EXT1: variants seen among roughly 807,000 people sequenced by gnomAD.
The protein encoded by EXT1 is exostosin-1.
Under a neutral mutation model 82.5 loss-of-function variants are expected in EXT1, and 20 were observed. The observed-to-expected ratio is 0.24, with a 90% CI of 0.17 to 0.35. The LOEUF (loss-of-function observed/expected upper bound fraction) is 0.35, where lower values mean the gene tolerates loss of function less well. EXT1 is among the 10% of genes least tolerant of loss of function. EXT1 has a pLI of 1.00. For missense variants in EXT1, 757 were observed against 936.5 expected, an observed-to-expected ratio of 0.81 and a Z score of 2.50; for synonymous variants, 348 against 350.8, an observed-to-expected ratio of 0.99 and a Z score of 0.09.
At chr8:117,997,074 CAG>C (rs1001705563) in intron 1 of EXT1, among the ~76,000 whole-genome samples, 10 of 152,030 alleles carry the variant, frequency 6.6e-5, no homozygotes, top group African/African-American at 2.2e-4. Context: ...AGTCGTTAAA[CAG>C]GGAATACCAT....
intron 1 of EXT1, among the ~76,000 whole-genome samples, chr8:118,104,724 C>T (rs567496359): frequency 1.3e-5 from 2 of 152,282 alleles, no homozygotes; most frequent in East Asian, 3.9e-4. Context: ...AATCCGAAAT[C>T]CAAAATGCTC....
chr8:117,860,459 A>G (rs1484310126), intron 1 of EXT1, among the ~76,000 whole-genome samples: 3 of 152,218 alleles, frequency 2.0e-5, no homozygotes. Flanking sequence ...GCCACTATGC[A>G]GTATGTCCAT....
At chr8:117,860,146 CAAA>C (rs34399339) in intron 1 of EXT1, among the ~76,000 whole-genome samples, 5 of 76,896 alleles carry the variant, frequency 6.5e-5, no homozygotes, top group Non-Finnish European at 6.8e-5. Context: ...GATTCTATCT[CAAA>C]AAAAAAAAAA....
chr8:117,936,339 T>TA (rs1814161962), intron 1 of EXT1, among the ~76,000 whole-genome samples: 1 of 152,182 alleles, frequency 6.6e-6, no homozygotes, highest in Non-Finnish European at 1.5e-5. Context: ...CCTATGCACT[T>TA]TGTGAGTCAA....
chr8:118,011,372 C>T (rs1021511634), intron 1 of EXT1, among the ~76,000 whole-genome samples: 2 of 152,306 alleles, frequency 1.3e-5, no homozygotes, highest in Non-Finnish European at 2.9e-5. Flanking sequence ...TTATGAACAC[C>T]AGTGAATGAC....
chr8:117,956,487 G>A (rs534020372), intron 1 of EXT1, among the ~76,000 whole-genome samples: 20 of 152,046 alleles, frequency 1.3e-4, no homozygotes, highest in African/African-American at 4.1e-4. Flanking sequence ...TCACTCTGTC[G>A]CCCAGGCTGG....
At chr8:117,821,279 T>C (rs149536892) in intron 5 of EXT1, among the ~76,000 whole-genome samples, 1 of 152,218 alleles carries the variant, frequency 6.6e-6, no homozygotes, top group Non-Finnish European at 1.5e-5. Context: ...AATATCTAGA[T>C]ACATATTCAA....
At chr8:118,096,397 C>T (rs979285579) in intron 1 of EXT1, among the ~76,000 whole-genome samples, 1 of 151,964 alleles carries the variant, frequency 6.6e-6, no homozygotes, top group Non-Finnish European at 1.5e-5. Flanking sequence ...CTGAGGCAGG[C>T]GGATCACGAG....
chr8:117,829,569 C>CTTTTTTTTTTTTTTTTT (rs35823668), intron 4 of EXT1, among the ~76,000 whole-genome samples: 2 of 96,872 alleles, frequency 2.1e-5, no homozygotes, highest in Middle Eastern at 8.9e-3. Flanking sequence ...ATATATTTTT[C>CTTTTTTTTTTTTTTTTT]TTTTTTTTTT....
chr8:117,968,797 C>T (rs1355192211), intron 1 of EXT1, among the ~76,000 whole-genome samples: 1 of 65,060 alleles, frequency 1.5e-5, no homozygotes, highest in Non-Finnish European at 2.5e-5. Context: ...TCTCGATCTC[C>T]TGACCTTGTG....
intron 1 of EXT1, among the ~76,000 whole-genome samples, chr8:118,020,911 C>A (rs1816092585): frequency 6.6e-6 from 1 of 152,198 alleles, no homozygotes; most frequent in Non-Finnish European, 1.5e-5. Context: ...TTCGCAAATT[C>A]TTCGGCATCA....
chr8:118,005,629 T>C (rs997620132), intron 1 of EXT1, among the ~76,000 whole-genome samples: 4 of 152,210 alleles, frequency 2.6e-5, no homozygotes, highest in Non-Finnish European at 5.9e-5. Context: ...TGCTAAGTGA[T>C]TGAGCCAGGA....
At chr8:118,005,909 C>A (rs997651204) in intron 1 of EXT1, among the ~76,000 whole-genome samples, 7 of 152,232 alleles carry the variant, frequency 4.6e-5, no homozygotes, top group African/African-American at 1.7e-4. Context: ...CTACGGCTTA[C>A]AAGAAGTGTC....
intron 1 of EXT1, among the ~76,000 whole-genome samples, chr8:117,999,974 G>A (rs188653420): frequency 6.2e-5 from 7 of 112,438 alleles, no homozygotes; most frequent in African/African-American, 1.4e-4. Context: ...ATATATATAT[G>A]TGTGTGTGTA....
intron 1 of EXT1, among the ~76,000 whole-genome samples, chr8:117,991,379 G>A (rs145087227): frequency 2.6e-5 from 4 of 152,212 alleles, no homozygotes; most frequent in African/African-American, 7.2e-5. Context: ...TACTTTGTCC[G>A]GCTCATTGCC....
At chr8:117,824,069 T>TTA (rs1484434353) in intron 4 of EXT1, among the ~76,000 whole-genome samples, 1 of 152,194 alleles carries the variant, frequency 6.6e-6, no homozygotes, top group Non-Finnish European at 1.5e-5. Flanking sequence ...TACTGTCTAT[T>TTA]TATTTCCTTT....
intron 1 of EXT1, among the ~76,000 whole-genome samples, chr8:117,944,754 A>T (rs1467517857): frequency 6.6e-6 from 1 of 152,138 alleles, no homozygotes; most frequent in African/African-American, 2.4e-5. Context: ...TTCTAAGCCT[A>T]TCCCCCAAAT....
intron 1 of EXT1, among the ~76,000 whole-genome samples, chr8:117,879,799 T>G (rs374524428): frequency 6.6e-6 from 1 of 152,332 alleles, no homozygotes; most frequent in African/African-American, 2.4e-5. Flanking sequence ...CCTAAAAAGA[T>G]GTGGTCCTAA....
At chr8:117,806,560 C>T (rs17429915) in intron 9 of EXT1, among the ~76,000 whole-genome samples, 4,742 of 152,244 alleles carry the variant, frequency 0.031, 111 homozygotes, top group South Asian at 0.086. Context: ...ACAGTGGTCT[C>T]CTCGATGGTT....
Sources: gnomAD v4.1 joint callset for allele counts (sites outside exome capture counted in the v4.1 genomes callset) on GRCh38, gnomAD v4.1.1 for gene constraint, MANE v1.5 for transcripts, NCBI Gene and HGNC (gene_info 2026-07-23, HGNC 2026-07-21) for gene names.